ITGB4: variants seen among roughly 807,000 people sequenced by gnomAD.
ITGB4 encodes integrin subunit beta 4, also known as integrin beta-4.
ITGB4 carries 159 observed loss-of-function variants against 207.6 expected under a neutral mutation model. The ratio of observed to expected loss-of-function variants is 0.77; its 90% CI spans 0.67 to 0.87. The LOEUF is 0.87. Ranked by LOEUF, ITGB4 falls within the 40% of genes least tolerant of loss-of-function variation. ITGB4 has a pLI of 0.00. For missense variants in ITGB4, 2,278 were observed against 2,546.8 expected (o/e 0.89, Z 2.27); for synonymous variants, 1,020 against 1,062.7 (o/e 0.96, Z 0.78).
intron 1 of ITGB4, among the ~76,000 whole-genome samples, 194 bp from the exon 2 acceptor site, chr17:75,724,500 C>T (rs2060678203): frequency 1.3e-5 from 2 of 152,268 alleles, no homozygotes; most frequent in South Asian, 4.1e-4. Flanking sequence ...TAGGCCACTG[C>T]AGGGATGGCA....
chr17:75,733,519 G>C lies in ITGB4; in HGVS notation c.1484G>C (p.Gly495Ala). ...GGCCAGACCTGCAACTGCTCCACCG[G>C]CTCTCTGAGTGACATTCAGCCCTGC... ...WSGQTCNCST[G>A]SLSDIQPCLR... The change falls in exon 13 of 40, where the codon GGC (glycine) becomes GCC (alanine). Residue 495 changes from glycine to alanine, a missense_variant. Physicochemically the swap from Gly to Ala is moderately conservative, Grantham distance 60. Coordinates refer to ENST00000200181, the MANE Select transcript of ITGB4 (RefSeq NM_000213.5). The C allele has an allele frequency of 1.2e-6, 2 of 1,613,498 alleles. No homozygotes were observed. Among genetic ancestry groups the C allele is most frequent in the Non-Finnish European group, 1.7e-6 (2 of 1,180,030 alleles).
At chr17:75,746,470 A>T (rs530430442) in intron 26 of ITGB4, 15 of 150,692 alleles carry the variant, frequency 1.0e-4, no homozygotes, top group African/African-American at 3.4e-4. Context: ...TGACCTCGTG[A>T]TCCGCCCACC....
intron 32 of ITGB4, 55 bp from the exon 33 acceptor site, chr17:75,753,710 C>A: frequency 1.6e-6 from 2 of 1,241,020 alleles, no homozygotes; most frequent in Non-Finnish European, 2.1e-6. Flanking sequence ...CCGCCTGGCC[C>A]TGCTCGGCCC....
chr17:75,749,117 C>A, intron 27 of ITGB4, 72 bp downstream of exon 27: 3 of 1,261,870 alleles, frequency 2.4e-6, no homozygotes, highest in South Asian at 1.2e-5. Flanking sequence ...CTAGGTCTGT[C>A]AGACTTAGCA....
intron 13 of ITGB4, among the ~76,000 whole-genome samples, chr17:75,734,190 G>A (rs571050193): frequency 7.4e-6 from 1 of 134,610 alleles, no homozygotes; most frequent in East Asian, 2.4e-4. Flanking sequence ...AGGCTGGAGT[G>A]CAATAGCACA....
rs755924384 is a variant in ITGB4, at chr17:75,728,473, A to C, written c.566A>C (p.Lys189Thr). ...SVPQTDMRPE[K>T]LKEPWPNSDP... The stretch of plus-strand genomic sequence containing the variant: ...CCGCAGACGGACATGAGGCCTGAGA[A>C]GTAAGTGACTGTGTGGGTCCCGCAG... Residue 189 changes from lysine to threonine, a missense_variant and splice_region_variant, in exon 6 of 40, where the codon AAG (lysine) becomes ACG (threonine). Coordinates refer to ENST00000200181, the MANE Select transcript of ITGB4 (RefSeq NM_000213.5). 2 of 1,612,994 alleles carry C rather than the reference A, an allele frequency of 1.2e-6. No homozygotes were observed. Among genetic ancestry groups the C allele is most frequent in the African/African-American group, 2.7e-5 (2 of 74,924 alleles).
At position 75,742,821 on chromosome 17, in the gene ITGB4, CT is replaced by C. The variant is rs2061146416; in HGVS notation, c.2962+61del. 2.0e-6 allele frequency: 3 copies of C among 1,519,918 alleles called. No individual in the cohort carries two copies. The Middle Eastern group carries it at 5.4e-4, about 273-fold the overall frequency. The allele number at this position is 1,519,918 out of a possible 1,614,324, so 94.2% of individuals were successfully genotyped here. A position where few individuals can be genotyped will look rare whatever the true frequency, so the allele number is the denominator to read the frequency against. ...GGGGGCTCGGGGGCACTGGTTCCTC[CT>C]GCTTAAGTGGAATTGCGACCTGGCC... On this transcript the variant is annotated intron_variant, in intron 25 of 39. Coordinates refer to ENST00000200181, the MANE Select transcript of ITGB4 (RefSeq NM_000213.5). The surrounding 1 kb of genome is among the most constrained non-coding windows in gnomAD (Gnocchi z 5.9).
chr17:75,736,573 G>T lies in ITGB4; in HGVS notation c.1869G>T (p.Pro623=). 6.3e-7 allele frequency: 1 copy of T among 1,599,836 alleles called. No individual in the cohort carries two copies. The highest frequency in any genetic ancestry group is 8.5e-7 in the Non-Finnish European group (1 of 1,173,784). The change falls in exon 16 of 40, where the codon CCG becomes CCT. Residue 623 remains proline (P), a synonymous_variant. Coordinates refer to ENST00000200181, the MANE Select transcript of ITGB4 (RefSeq NM_000213.5). ...ICEINYSAIH[P]GLCEDLRSCV... ...CGCCTTTCCCCGCCAAGATCCACCC[G>T]GGCCTCTGCGAGGACCTACGCTCCT...
At chr17:75,755,121 G>T (rs1459879654) in intron 34 of ITGB4, 2 of 1,610,138 alleles carry the variant, frequency 1.2e-6, no homozygotes, top group Admixed American at 3.4e-5. Flanking sequence ...GGGTCCCGGA[G>T]TCGGGCTCAG....
rs576404959 is a variant in ITGB4, at chr17:75,751,029, G to T, written c.3711G>T (p.Gln1237His). 1.9e-6 allele frequency: 3 copies of T among 1,613,878 alleles called. No individual in the cohort carries two copies. The highest frequency in any genetic ancestry group is 2.7e-5 in the African/African-American group (2 of 75,060). The change falls in exon 30 of 40, where the codon CAG becomes CAT. Residue 1237 changes from glutamine (Q) to histidine (H), a missense_variant. Coordinates refer to ENST00000200181, the MANE Select transcript of ITGB4 (RefSeq NM_000213.5). ...AFNVVSSTVT[Q>H]LSWAEPAETN... ...ATGTCGTCTCCTCCACGGTGACCCA[G>T]CTGAGCTGGGCTGAGCCGGCTGAGA... is the stretch of plus-strand genomic sequence containing the variant.
intron 2 of ITGB4, among the ~76,000 whole-genome samples, chr17:75,725,970 C>G (rs1436684637): frequency 6.6e-6 from 1 of 152,222 alleles, no homozygotes; most frequent in Non-Finnish European, 1.5e-5. Context: ...GGCTGAGGAC[C>G]GTCTGGCTGG....
chr17:75,742,308 C>G lies in ITGB4; in HGVS notation c.2634-33C>G, dbSNP rs2061128538. On this transcript the variant is annotated intron_variant, in intron 23 of 39. Coordinates refer to ENST00000200181, the MANE Select transcript of ITGB4 (RefSeq NM_000213.5). This position sits in a 1 kb window ranked among gnomAD's most constrained non-coding sequence, Gnocchi z 5.9. ...AGGGCAGCAGGTGCCAGCCTGACCCCTCCGCTGCCTGAACCTTCCACCCTC... is the reference window on the plus strand; with the variant it reads ...AGGGCAGCAGGTGCCAGCCTGACCCGTCCGCTGCCTGAACCTTCCACCCTC... 5.0e-6 allele frequency: 8 copies of G among 1,612,950 alleles called. No homozygotes were observed. Among genetic ancestry groups the G allele is most frequent in the Non-Finnish European group, 6.8e-6 (8 of 1,179,940 alleles).
chr17:75,729,135 G>T lies in ITGB4; in HGVS notation c.567-130G>T. On this transcript the variant is annotated intron_variant, in intron 6 of 39. Transcript: ENST00000200181. The surrounding 1 kb of genome is among the most constrained non-coding windows in gnomAD (Gnocchi z 4.4). ...ATCGTGCATACCGCACACCAGCCTG[G>T]GTGATAAAGCGAGACTTGGTCTCAA... The T allele has an allele frequency of 1.2e-6, 1 of 809,994 alleles. No homozygotes were observed. The highest frequency in any genetic ancestry group is 2.7e-5 in the Admixed American group (1 of 36,472). 50.2% of individuals were successfully genotyped at this position (809,994 alleles called of 1,614,324 possible). A position where few individuals can be genotyped will look rare whatever the true frequency, so the allele number is the denominator to read the frequency against.
At chr17:75,751,137 C>T in intron 30 of ITGB4, 26 bp downstream of exon 30, 2 of 1,611,046 alleles carry the variant, frequency 1.2e-6, no homozygotes, top group Non-Finnish European at 8.5e-7. Context: ...TTCTTTCCTG[C>T]CCACAGGGAG....
In ITGB4 at chr17:75,732,282, CCT is replaced by C. The variant is rs1381326161; in HGVS notation, c.1454+44_1454+45del. ...TTGGGCACCCAGGACACCAGTGGCC[CCT>C]GATGGGAAAGCTGGGCTCCTGCAGG... On this transcript the variant is annotated intron_variant, in intron 12 of 39. Transcript: ENST00000200181. This position sits in a 1 kb window ranked among gnomAD's most constrained non-coding sequence, Gnocchi z 5.3. 3.1e-6 allele frequency: 5 copies of C among 1,589,026 alleles called. No homozygotes were observed. The highest frequency in any genetic ancestry group is 4.3e-6 in the Non-Finnish European group (5 of 1,157,836).
chr17:75,724,005 T>C (rs1414429891), intron 1 of ITGB4, among the ~76,000 whole-genome samples: 3 of 152,336 alleles, frequency 2.0e-5, no homozygotes, highest in African/African-American at 7.2e-5. Context: ...CCACAGTGTG[T>C]GTGCATGTCT....
intron 27 of ITGB4, among the ~76,000 whole-genome samples, chr17:75,749,381 A>T (rs1355401555): frequency 1.3e-5 from 2 of 152,042 alleles, no homozygotes; most frequent in East Asian, 3.9e-4. Context: ...TAAACAAATT[A>T]GCTTGGCATA....
chr17:75,732,261 G>T lies in ITGB4; in HGVS notation c.1454+22G>T. On this transcript the variant is annotated intron_variant, in intron 12 of 39. Transcript: ENST00000200181. The surrounding 1 kb of genome is among the most constrained non-coding windows in gnomAD (Gnocchi z 5.3). Reference sequence around the variant, plus strand: ...GCTGGTGAGTGGGGAAGGGAGTTGGGCACCCAGGACACCAGTGGCCCCTGA... The same window carrying T: ...GCTGGTGAGTGGGGAAGGGAGTTGGTCACCCAGGACACCAGTGGCCCCTGA... 6.2e-7 allele frequency: 1 copy of T among 1,611,752 alleles called. No individual in the cohort carries two copies. The highest frequency in any genetic ancestry group is 8.5e-7 in the Non-Finnish European group (1 of 1,178,176).
chr17:75,737,615 C>G lies in ITGB4; in HGVS notation c.2191C>G (p.Leu731Val). The change falls in exon 18 of 40, where the codon CTA (leucine) becomes GTA (valine). Residue 731 changes from leucine (L) to valine (V), a missense_variant. Transcript: ENST00000200181. ...GCCGCTCCTGGCCCTGCTACTGCTGCTATGCTGGAAGTACTGTGCCTGCTG... is the reference window on the plus strand; with the variant it reads ...GCCGCTCCTGGCCCTGCTACTGCTGGTATGCTGGAAGTACTGTGCCTGCTG... ...LLPLLALLLL[L>V]CWKYCACCKA... is the part of the protein sequence containing the mutation. 6.2e-7 allele frequency: 1 copy of G among 1,613,376 alleles called. No individual in the cohort carries two copies. The highest frequency in any genetic ancestry group is 8.5e-7 in the Non-Finnish European group (1 of 1,179,770).
Sources: gnomAD v4.1 joint callset for allele counts (sites outside exome capture counted in the v4.1 genomes callset) on GRCh38, gnomAD v4.1.1 for gene constraint, Gnocchi (gnomAD v3.1) non-coding constraint, MANE v1.5 for transcripts, NCBI Gene and HGNC (gene_info 2026-07-23, HGNC 2026-07-21) for gene names.